The following HM13 variants were observed in gnomAD, a reference collection of about 807,000 sequenced individuals.
HM13 encodes the protein histocompatibility minor 13.
HM13 carries 18 observed loss-of-function variants against 50.0 expected under a neutral mutation model. That is an observed-to-expected ratio of 0.36 (90% CI 0.25 to 0.53). The LOEUF (loss-of-function observed/expected upper bound fraction) is 0.53, where lower values mean the gene tolerates loss of function less well. HM13 is among the 20% of genes least tolerant of loss of function. The pLI, the probability that HM13 is intolerant of heterozygous loss-of-function variation, is 0.90. For missense variants in HM13, 393 were observed against 552.4 expected (o/e 0.71, Z 2.89); for synonymous variants, 197 against 232.6 (o/e 0.85, Z 1.39).
chr20:31,545,336 AAGCATTC>A (rs1306360369), intron 4 of HM13, among the ~76,000 whole-genome samples: 1 of 151,646 alleles, frequency 6.6e-6, no homozygotes, highest in Admixed American at 6.6e-5. Context: ...AATAAGTGGA[AAGCATTC>A]AGCATGGTGC....
intron 2 of HM13, among the ~76,000 whole-genome samples, chr20:31,532,096 A>ATTTTTT (rs374817984): frequency 6.7e-6 from 1 of 148,346 alleles, no homozygotes. Flanking sequence ...CTATTCACAG[A>ATTTTTT]TTTTTTTTTT....
chr20:31,548,618 G>T (rs939880024), intron 4 of HM13: 1 of 262,710 alleles, frequency 3.8e-6, no homozygotes, highest in Admixed American at 4.7e-5. Context: ...TGTAAGGACT[G>T]TCTTACTTAT....
At chr20:31,524,088 T>C (rs1240310661) in intron 1 of HM13, among the ~76,000 whole-genome samples, 1 of 152,146 alleles carries the variant, frequency 6.6e-6, no homozygotes, top group Non-Finnish European at 1.5e-5. Flanking sequence ...TTAAGACTCC[T>C]ATGGGGCTGG....
chr20:31,538,685 G>T (rs1295471811), intron 3 of HM13: 7 of 1,079,430 alleles, frequency 6.5e-6, no homozygotes, highest in African/African-American at 3.3e-5. Context: ...AGGAGCGTGG[G>T]CTCTGGCATT....
chr20:31,554,200 T>G (rs921956964), intron 7 of HM13, among the ~76,000 whole-genome samples: 1 of 151,336 alleles, frequency 6.6e-6, no homozygotes, highest in Non-Finnish European at 1.5e-5. Context: ...AATGGGGGGT[T>G]AGGAGTCAAA....
At chr20:31,519,558 T>C (rs969272273) in intron 1 of HM13, among the ~76,000 whole-genome samples, 1 of 152,190 alleles carries the variant, frequency 6.6e-6, no homozygotes, top group African/African-American at 2.4e-5. Context: ...ATCTGGTCCC[T>C]GGGCCAGCAG....
chr20:31,528,255 G>A (rs1438918519), intron 2 of HM13, among the ~76,000 whole-genome samples: 1 of 152,038 alleles, frequency 6.6e-6, no homozygotes. Flanking sequence ...ATCAATAGAG[G>A]GAAAAATAAA....
At chr20:31,563,735 C>CG (rs1401444020) in intron 10 of HM13, among the ~76,000 whole-genome samples, 3 of 152,114 alleles carry the variant, frequency 2.0e-5, no homozygotes, top group African/African-American at 7.2e-5. Context: ...CAAGGGCATG[C>CG]GGGAAAGACT....
chr20:31,558,962 A>T (rs558156169), intron 8 of HM13, among the ~76,000 whole-genome samples: 5 of 152,154 alleles, frequency 3.3e-5, no homozygotes, highest in Admixed American at 3.3e-4. Flanking sequence ...CTGTGTCACC[A>T]GGCTGGAATG....
intron 3 of HM13, among the ~76,000 whole-genome samples, chr20:31,544,616 G>A (rs1353866829): frequency 6.6e-6 from 1 of 152,234 alleles, no homozygotes; most frequent in Non-Finnish European, 1.5e-5. Flanking sequence ...CAGACTTTGG[G>A]ATCCTCTGCT....
intron 2 of HM13, among the ~76,000 whole-genome samples, chr20:31,531,827 G>A (rs1046362497): frequency 3.3e-5 from 5 of 152,136 alleles, no homozygotes; most frequent in African/African-American, 1.2e-4. Context: ...CAGACATGGT[G>A]GTGCAGGCTT....
chr20:31,568,266 G>T (rs1321533854), intron 12 of HM13, 42 bp downstream of exon 12: 2 of 1,600,978 alleles, frequency 1.2e-6, no homozygotes, highest in Admixed American at 3.4e-5. Context: ...TCCCCCTACT[G>T]CCCCGGGGCC....
At chr20:31,522,625 TG>T (rs1982242967) in intron 1 of HM13, among the ~76,000 whole-genome samples, 1 of 85,900 alleles carries the variant, frequency 1.2e-5, no homozygotes, top group Non-Finnish European at 2.1e-5. Context: ...TACCAGACAC[TG>T]TGCTTGACCA....
At chr20:31,520,824 T>G (rs1027142802) in intron 1 of HM13, among the ~76,000 whole-genome samples, 4 of 152,156 alleles carry the variant, frequency 2.6e-5, no homozygotes, top group African/African-American at 9.7e-5. Flanking sequence ...GAATGGAGAC[T>G]CTGGAGTCTC....
chr20:31,563,221 C>G (rs6060011), intron 10 of HM13: 1 of 152,618 alleles, frequency 6.6e-6, no homozygotes, highest in Non-Finnish European at 1.5e-5. Flanking sequence ...CAGCCCAGCC[C>G]TTCTCCCCAG....
intron 4 of HM13, chr20:31,547,751 G>A (rs1235900502): frequency 1.2e-5 from 12 of 1,014,846 alleles, no homozygotes; most frequent in Non-Finnish European, 1.8e-5. Flanking sequence ...CCAACTCTAA[G>A]GTTGCTTCAC....
At chr20:31,568,331 A>G (rs1163657574) in intron 12 of HM13, 107 bp downstream of exon 12, 1 of 1,417,308 alleles carries the variant, frequency 7.1e-7, no homozygotes, top group Non-Finnish European at 9.3e-7. Flanking sequence ...CATTGCCAGG[A>G]GTAGGCCGCA....
At chr20:31,537,978 A>G (rs7264883) in intron 2 of HM13, among the ~76,000 whole-genome samples, 476 of 152,318 alleles carry the variant, frequency 3.1e-3, no homozygotes, top group African/African-American at 0.011. Context: ...TTTGCGAGGT[A>G]CAGCTGGGGG....
In HM13 at chr20:31,535,639, A is replaced by G. The variant is rs186149024; in HGVS notation, c.283-2540A>G. ...ATCCATATGCCTACAAAGTCTGCTC[A>G]TAGGTCTTTTTCTTGTAGCACTAAC... is the stretch of plus-strand genomic sequence containing the variant. On this transcript the variant is annotated intron_variant, in intron 2 of 12. Transcript: ENST00000398174. 5.9e-5 allele frequency: 9 copies of G among 152,356 alleles called. No homozygotes were observed. The East Asian group carries it at 1.7e-3, about 29-fold the overall frequency. 9.4% of individuals were successfully genotyped at this position (152,356 alleles called of 1,614,324 possible).
Sources: allele counts gnomAD v4.1 joint callset (sites outside exome capture counted in the v4.1 genomes callset), GRCh38; gene constraint gnomAD v4.1.1; transcripts MANE v1.5; gene names NCBI Gene and HGNC (gene_info 2026-07-23, HGNC 2026-07-21).